Variants in GCC2 observed in about 807,000 individuals in gnomAD.
GCC2 encodes the protein GRIP and coiled-coil domain containing 2.
Under a neutral mutation model 210.6 loss-of-function variants are expected in GCC2, and 120 were observed. The observed-to-expected ratio is 0.57, with a 90% CI of 0.49 to 0.66. The LOEUF (loss-of-function observed/expected upper bound fraction) is 0.66, where lower values mean the gene tolerates loss of function less well. Among genes scored for constraint, GCC2 ranks in the 30% least tolerant of loss-of-function variants. The pLI is 0.00. For missense variants in GCC2, 1,868 were observed against 1,871.9 expected (o/e 1.00, Z 0.04); for synonymous variants, 703 against 652.7 (o/e 1.08, Z -1.17).
intron 3 of GCC2, among the ~76,000 whole-genome samples, chr2:108,452,067 A>G (rs530568671): frequency 1.6e-4 from 25 of 151,840 alleles, no homozygotes; most frequent in Non-Finnish European, 2.4e-4. Context: ...TGTTCTCGAT[A>G]ACGTTTATTC....
chr2:108,507,416 C>CCCCCA, intron 22 of GCC2, 144 bp from the exon 23 acceptor site: 1 of 307,904 alleles, frequency 3.2e-6, no homozygotes, highest in African/African-American at 2.5e-5. Context: ...CCCCCCCCCC[C>CCCCCA]AAAAAAAAGG....
chr2:108,449,347 G>C (rs1214961860), intron 1 of GCC2, 67 bp downstream of exon 1: 6 of 1,525,602 alleles, frequency 3.9e-6, no homozygotes, highest in Non-Finnish European at 5.3e-6. Flanking sequence ...TGTGGGAGTG[G>C]GCCCGATGGG....
intron 4 of GCC2, chr2:108,462,653 C>T (rs1283624465): frequency 1.4e-5 from 2 of 146,506 alleles, no homozygotes; most frequent in Non-Finnish European, 3.0e-5. Flanking sequence ...ACCTCTACCT[C>T]CTGGGTTCAA....
At chr2:108,451,369 G>A (rs972868511) in intron 3 of GCC2, among the ~76,000 whole-genome samples, 3 of 152,190 alleles carry the variant, frequency 2.0e-5, no homozygotes, top group Admixed American at 2.0e-4. Flanking sequence ...TGTAAGTTAA[G>A]TGTGTTTTTC....
chr2:108,506,408 AAAAAGCAG>A lies in GCC2; in HGVS notation c.4985-1149_4985-1142del, dbSNP rs564783004. ...TGATTCTACTTATATGACACTCTGA[AAAAAGCAG>A]AACTATAAGGACAGAAAACAGGTTA... On this transcript the variant is annotated intron_variant, in intron 22 of 22. Transcript: ENST00000309863. Among the ~76,000 whole-genome samples the A allele has an allele frequency of 4.6e-5, 7 of 152,222 alleles. 1 individual carries two copies. Among genetic ancestry groups the A allele is most frequent in the Non-Finnish European group, 1.0e-4 (7 of 68,044 alleles).
intron 19 of GCC2, chr2:108,493,446 A>G: frequency 1.0e-6 from 1 of 986,704 alleles, no homozygotes; most frequent in Non-Finnish European, 1.2e-6. Context: ...GTTGTTAGAC[A>G]TCAAATTTGT....
In GCC2 at chr2:108,471,214, A is replaced by C; in HGVS notation, c.1885A>C (p.Lys629Gln). ...REERLILELG[K>Q]KVEQTIQYNS... ...AGAAAGATTGATTCTTGAACTTGGG[A>C]AGAAAGTAGAGCAAACAATCCAGTA... is the stretch of plus-strand genomic sequence containing the variant. The change falls in exon 6 of 23, where the codon AAG (lysine) becomes CAG (glutamine). Residue 629 changes from lysine (K) to glutamine (Q), a missense_variant. By Grantham distance (53) the Lys-to-Gln change is moderately conservative. This residue lies in a region of GCC2 where 1,847 missense variants were observed against 1,765.2 expected (regional missense o/e 1.05). Coordinates refer to ENST00000309863, the MANE Select transcript of GCC2 (RefSeq NM_181453.4). The C allele has an allele frequency of 6.2e-7, 1 of 1,605,784 alleles. No individual in the cohort carries two copies.
chr2:108,483,067 T>C lies in GCC2; in HGVS notation c.3351T>C (p.His1117=). Residue 1117 remains histidine (H), a synonymous_variant, in exon 12 of 23, where the codon CAT becomes CAC. Transcript: ENST00000309863. Reference sequence around the variant, plus strand: ...GTTTTTATTTTTAATTTCAGGAACATGCCACTACTGTAAATGAACTTGAAG... The same window carrying C: ...GTTTTTATTTTTAATTTCAGGAACACGCCACTACTGTAAATGAACTTGAAG... ...KLQKEQKIKE[H]ATTVNELEEL... is the part of the protein sequence containing the mutation. 2 of 1,523,470 alleles carry C rather than the reference T, an allele frequency of 1.3e-6. No individual in the cohort carries two copies. Among genetic ancestry groups the C allele is most frequent in the Non-Finnish European group, 1.8e-6 (2 of 1,098,180 alleles). The allele number at this position is 1,523,470 out of a possible 1,614,324, so 94.4% of individuals were successfully genotyped here. A position where few individuals can be genotyped will look rare whatever the true frequency, so the allele number is the denominator to read the frequency against.
intron 9 of GCC2, among the ~76,000 whole-genome samples, chr2:108,478,843 G>A (rs1317421257): frequency 2.0e-5 from 3 of 152,084 alleles, no homozygotes; most frequent in African/African-American, 7.2e-5. Flanking sequence ...ACAAGCACAG[G>A]ATCTTCTTTC....
rs1388589708 is a variant in GCC2 at position 108,486,511 on chromosome 2, A to G, written c.3793A>G (p.Ile1265Val). 4 of 1,614,032 alleles carry G rather than the reference A, an allele frequency of 2.5e-6. No individual in the cohort carries two copies. The highest frequency in any genetic ancestry group is 1.7e-5 in the Admixed American group (1 of 59,986). The change falls in exon 16 of 23, where the codon ATA becomes GTA. Residue 1265 changes from isoleucine to valine, a missense_variant and splice_region_variant. Coordinates refer to ENST00000309863, the MANE Select transcript of GCC2 (RefSeq NM_181453.4). ...GCTAAATTTAAAGATTTACCCCCAG[A>G]TACAGCTGGCTGAAATAACATCAGA... ...ASQQQVEVYK[I>V]QLAEITSEKH... is the part of the protein sequence containing the mutation.
chr2:108,459,120 T>C (rs1188083606), intron 4 of GCC2, among the ~76,000 whole-genome samples: 1 of 152,178 alleles, frequency 6.6e-6, no homozygotes, highest in Non-Finnish European at 1.5e-5. Context: ...AAAAATCACA[T>C]AGGTTTTGTG....
At chr2:108,458,020 A>G (rs951585767) in intron 4 of GCC2, among the ~76,000 whole-genome samples, 28 of 152,200 alleles carry the variant, frequency 1.8e-4, no homozygotes, top group Non-Finnish European at 1.3e-4. Context: ...AAAGATTTTC[A>G]GCTTTTCCCC....
Position 108,452,559 on chromosome 2 carries a change from C to A in GCC2, c.216+93C>A, listed in dbSNP as rs567037819. 2.6e-5 allele frequency: 20 copies of A among 766,916 alleles called. No individual in the cohort carries two copies. In the Admixed American group the frequency reaches 2.8e-4, roughly 11 times the overall value. 47.5% of individuals were successfully genotyped at this position (766,916 alleles called of 1,614,324 possible). On this transcript the variant is annotated intron_variant, in intron 4 of 22. Coordinates refer to ENST00000309863, the MANE Select transcript of GCC2 (RefSeq NM_181453.4). ...GGCTATCTGGCTTTCTGTTTCTGTTCTACTTCCTCTCTGCCTTGGTTGTTT... is the reference window on the plus strand; with the variant it reads ...GGCTATCTGGCTTTCTGTTTCTGTTATACTTCCTCTCTGCCTTGGTTGTTT...
rs370993594 is a variant in GCC2 at position 108,507,416 on chromosome 2, CA to C, written c.4985-136del. On this transcript the variant is annotated intron_variant, in intron 22 of 22. Transcript: ENST00000309863. ...CTCAAAAAAAAAGAACCCCCCCCCC[CA>C]AAAAAAAGGCATGTAATCAGTAAAA... 77 of 307,856 alleles carry C rather than the reference CA, an allele frequency of 2.5e-4. No individual in the cohort carries two copies. The Middle Eastern group carries it at 3.9e-3, about 16-fold the overall frequency. The allele number at this position is 307,856 out of a possible 1,614,324, so 19.1% of individuals were successfully genotyped here.
intron 7 of GCC2, 69 bp downstream of exon 7, chr2:108,472,968 G>A: frequency 2.3e-6 from 2 of 866,924 alleles, no homozygotes; most frequent in Non-Finnish European, 3.6e-6. Context: ...GAATAGATTG[G>A]GAAATATAGT....
chr2:108,491,785 AT>A lies in GCC2; in HGVS notation c.4230-780del, dbSNP rs927665332. 7.3e-3 allele frequency among the ~76,000 whole-genome samples: 1,063 copies of A among 146,560 alleles called. 17 individuals carry two copies. The highest frequency in any genetic ancestry group is 0.025 in the African/African-American group (1,002 of 40,554). ...AGGAAATTTATTTATTTATTTATTT[AT>A]TTTTTTTACCAAAGCCAAACATATA... On this transcript the variant is annotated intron_variant, in intron 18 of 22. Transcript: ENST00000309863.
chr2:108,460,253 T>C (rs1680494317), intron 4 of GCC2, among the ~76,000 whole-genome samples: 1 of 152,216 alleles, frequency 6.6e-6, no homozygotes, highest in Non-Finnish European at 1.5e-5. Context: ...TATGTCTCTT[T>C]ACAGGGAAAG....
rs1393638863 is a variant in GCC2, at chr2:108,475,859, T to C, written c.3060+9T>C. On this transcript the variant is annotated intron_variant, in intron 9 of 22. Coordinates refer to ENST00000309863, the MANE Select transcript of GCC2 (RefSeq NM_181453.4). ...GAGCAGAAAGCTATAAGGTAAAAAATAGTCATTTTAATAACAAGTTATAAA... is the reference window on the plus strand; with the variant it reads ...GAGCAGAAAGCTATAAGGTAAAAAACAGTCATTTTAATAACAAGTTATAAA... 1.4e-6 allele frequency: 2 copies of C among 1,409,768 alleles called. No homozygotes were observed. The highest frequency in any genetic ancestry group is 1.5e-5 in the African/African-American group (1 of 68,862). The allele number at this position is 1,409,768 out of a possible 1,614,324, so 87.3% of individuals were successfully genotyped here.
At chr2:108,480,912 A>T (rs548384495) in intron 9 of GCC2, among the ~76,000 whole-genome samples, 5 of 152,284 alleles carry the variant, frequency 3.3e-5, no homozygotes, top group South Asian at 2.1e-4. Flanking sequence ...AAGTTAAAAA[A>T]TTTTTTAAAA....
Sources: allele counts gnomAD v4.1 joint callset (sites outside exome capture counted in the v4.1 genomes callset), GRCh38; gene constraint gnomAD v4.1.1; regional missense constraint gnomAD v4.1.1; transcripts MANE v1.5; gene names NCBI Gene and HGNC (gene_info 2026-07-23, HGNC 2026-07-21).